Variants in DNAH9 observed in about 807,000 individuals in gnomAD.
DNAH9 encodes the protein DNAH9 variant protein.
In DNAH9, 345 loss-of-function variants were observed where a neutral mutation model predicts 471.6. The ratio of observed to expected loss-of-function variants is 0.73; its 90% CI spans 0.67 to 0.80. The LOEUF (loss-of-function observed/expected upper bound fraction) is 0.80, where lower values mean the gene tolerates loss of function less well. Ranked by LOEUF, DNAH9 falls within the 30% of genes least tolerant of loss-of-function variation. DNAH9 has a pLI of 0.00. For synonymous variants in DNAH9, 2,093 were observed against 2,123.6 expected, an observed-to-expected ratio of 0.99 and a Z score of 0.40; for missense variants, 5,407 against 5,609.2, an observed-to-expected ratio of 0.96 and a Z score of 1.15.
At chr17:11,656,654 G>A (rs1169049018) in intron 14 of DNAH9, among the ~76,000 whole-genome samples, 2 of 152,264 alleles carry the variant, frequency 1.3e-5, no homozygotes, top group African/African-American at 4.8e-5. Context: ...ATAGAGCTCA[G>A]TGAGTTTTTA....
intron 35 of DNAH9, among the ~76,000 whole-genome samples, chr17:11,757,931 TG>T (rs1967470586): frequency 6.6e-6 from 1 of 152,174 alleles, no homozygotes; most frequent in African/African-American, 2.4e-5. Context: ...GTCCCTTTCG[TG>T]AGTGCCACGT....
chr17:11,873,810 G>C (rs146404814), intron 52 of DNAH9, among the ~76,000 whole-genome samples: 72 of 152,124 alleles, frequency 4.7e-4, no homozygotes, highest in African/African-American at 1.5e-3. Flanking sequence ...TTTGGGGGTA[G>C]AGCCGATGGC....
intron 27 of DNAH9, among the ~76,000 whole-genome samples, chr17:11,722,375 A>G (rs555333607): frequency 1.3e-5 from 2 of 152,344 alleles, no homozygotes; most frequent in Admixed American, 1.3e-4. Flanking sequence ...TGGAAGTCAG[A>G]CGAAATGAGA....
chr17:11,883,440 C>A, intron 55 of DNAH9, 146 bp from the exon 56 acceptor site: 2 of 1,162,326 alleles, frequency 1.7e-6, no homozygotes, highest in Non-Finnish European at 2.4e-6. Flanking sequence ...GACTCCTTGT[C>A]TCCTGCTCAT....
At chr17:11,870,865 T>C (rs1972237785) in intron 51 of DNAH9, among the ~76,000 whole-genome samples, 1 of 152,224 alleles carries the variant, frequency 6.6e-6, no homozygotes, top group Admixed American at 6.5e-5. Context: ...TTGGACTTTC[T>C]GACCTTTGTG....
intron 43 of DNAH9, among the ~76,000 whole-genome samples, chr17:11,803,862 C>T (rs1203045696): frequency 6.6e-6 from 1 of 152,210 alleles, no homozygotes; most frequent in Non-Finnish European, 1.5e-5. Context: ...TAATCCTTTC[C>T]TGCCCCAACT....
At chr17:11,928,905 C>G (rs1974413152) in intron 62 of DNAH9, among the ~76,000 whole-genome samples, 1 of 152,094 alleles carries the variant, frequency 6.6e-6, no homozygotes. Context: ...TTCTAACTAG[C>G]TCCCAGGTAC....
intron 67 of DNAH9, among the ~76,000 whole-genome samples, chr17:11,954,989 A>G (rs1043697235): frequency 2.0e-5 from 3 of 152,216 alleles, no homozygotes; most frequent in Admixed American, 2.0e-4. Flanking sequence ...AAGCATATGT[A>G]AAACCAAAAT....
At chr17:11,678,492 G>C (rs140655365) in intron 17 of DNAH9, among the ~76,000 whole-genome samples, 5 of 152,274 alleles carry the variant, frequency 3.3e-5, no homozygotes, top group African/African-American at 1.2e-4. Flanking sequence ...GTGGAGGGGA[G>C]AATTCAAGAA....
intron 38 of DNAH9, among the ~76,000 whole-genome samples, chr17:11,778,329 C>CAAAAAAAAAAAA (rs57983162): frequency 2.1e-5 from 1 of 48,636 alleles, no homozygotes; most frequent in Non-Finnish European, 4.6e-5. Flanking sequence ...GACTCCATCT[C>CAAAAAAAAAAAA]AAAAAAAAAA....
intron 46 of DNAH9, 41 bp downstream of exon 46, chr17:11,822,103 A>G (rs1304064164): frequency 1.8e-5 from 28 of 1,587,788 alleles, no homozygotes; most frequent in Non-Finnish European, 2.3e-5. Flanking sequence ...GAGACCCGAG[A>G]TGATTCATGG....
intron 19 of DNAH9, among the ~76,000 whole-genome samples, chr17:11,687,525 A>G (rs771155040): frequency 6.6e-6 from 1 of 152,116 alleles, no homozygotes; most frequent in Non-Finnish European, 1.5e-5. Context: ...TTTGTATTCT[A>G]CCTACCAACA....
intron 28 of DNAH9, among the ~76,000 whole-genome samples, chr17:11,737,139 A>G (rs945036066): frequency 5.9e-5 from 9 of 152,232 alleles, no homozygotes; most frequent in African/African-American, 2.2e-4. Context: ...CCAGGATGGC[A>G]TTGATATTCT....
intron 43 of DNAH9, among the ~76,000 whole-genome samples, chr17:11,803,409 C>T (rs1398753358): frequency 6.6e-6 from 1 of 152,204 alleles, no homozygotes; most frequent in Non-Finnish European, 1.5e-5. Context: ...TGCGCTCGCA[C>T]ACACGCACAT....
intron 49 of DNAH9, among the ~76,000 whole-genome samples, chr17:11,845,488 C>A (rs1230122829): frequency 2.0e-5 from 3 of 151,052 alleles, no homozygotes; most frequent in East Asian, 3.9e-4. Flanking sequence ...GTCTTTAAAG[C>A]AGCATGATTT....
At chr17:11,797,859 C>A in intron 43 of DNAH9, 66 bp downstream of exon 43, 8 of 1,515,450 alleles carry the variant, frequency 5.3e-6, no homozygotes, top group African/African-American at 1.4e-5. Context: ...GGGTCTCATT[C>A]GGCTATTTGA....
At chr17:11,968,157 C>T (rs1205655246) in intron 68 of DNAH9, among the ~76,000 whole-genome samples, 1 of 152,108 alleles carries the variant, frequency 6.6e-6, no homozygotes, top group Admixed American at 6.6e-5. Flanking sequence ...CCAAAAACCA[C>T]TAAATTATAC....
At chr17:11,645,179 G>A (rs1249627436) in intron 11 of DNAH9, among the ~76,000 whole-genome samples, 1 of 152,210 alleles carries the variant, frequency 6.6e-6, no homozygotes, top group African/African-American at 2.4e-5. Flanking sequence ...TCTAGAAACA[G>A]CCATTGTCTT....
intron 28 of DNAH9, among the ~76,000 whole-genome samples, chr17:11,731,796 T>C (rs998520129): frequency 6.6e-6 from 1 of 152,112 alleles, no homozygotes; most frequent in African/African-American, 2.4e-5. Flanking sequence ...ATCCAGTCTA[T>C]CATTGTTGGA....
Sources: gnomAD v4.1 joint callset for allele counts (sites outside exome capture counted in the v4.1 genomes callset) on GRCh38, gnomAD v4.1.1 for gene constraint, MANE v1.5 for transcripts, NCBI Gene and HGNC (gene_info 2026-07-23, HGNC 2026-07-21) for gene names.